The following USP6NL variants were observed in gnomAD, a reference collection of about 807,000 sequenced individuals.
The protein encoded by USP6NL is USP6 N-terminal-like protein.
Under a neutral mutation model 61.9 loss-of-function variants are expected in USP6NL, and 26 were observed. The ratio of observed to expected loss-of-function variants is 0.42; its 90% CI spans 0.31 to 0.58. USP6NL has a LOEUF of 0.58. USP6NL is among the 20% of genes least tolerant of loss of function. The pLI, the probability that USP6NL is intolerant of heterozygous loss-of-function variation, is 0.16. For synonymous variants in USP6NL, 432 were observed against 390.1 expected, an observed-to-expected ratio of 1.11 and a Z score of -1.27; for missense variants, 1,114 against 1,034.3, an observed-to-expected ratio of 1.08 and a Z score of -1.06.
intron 1 of USP6NL, among the ~76,000 whole-genome samples, chr10:11,609,459 G>GT (rs1485805201): frequency 8.4e-6 from 1 of 118,640 alleles, no homozygotes; most frequent in Non-Finnish European, 1.9e-5. Context: ...AGTAAGAATG[G>GT]TTAAAAAAAA....
In USP6NL at chr10:11,585,072, A is replaced by C. The variant is rs1171283285; in HGVS notation, c.4+12559T>G. Among the ~76,000 whole-genome samples, 1 of 152,224 alleles carries C rather than the reference A, an allele frequency of 6.6e-6. No individual in the cohort carries two copies. Among genetic ancestry groups the C allele is most frequent in the Non-Finnish European group, 1.5e-5 (1 of 68,034 alleles). ...TAAAATCTGTGATTTTTCCATAATC[A>C]TTTTGGGAGAAAAGACTGTTTTAGA... On this transcript the variant is annotated intron_variant, in intron 2 of 14. Transcript: ENST00000609104. This position sits in a 1 kb window ranked among gnomAD's most constrained non-coding sequence, Gnocchi z 4.5.
chr10:11,491,850 G>A lies in USP6NL; in HGVS notation c.495-970C>T, dbSNP rs1164625246. ...CATCTGAGTGCTTGCTGAGGGCAAA[G>A]GGAATATGGAATGGGCAGTGAAACG... On this transcript the variant is annotated intron_variant, in intron 8 of 14. Coordinates refer to ENST00000609104, the MANE Select transcript of USP6NL (RefSeq NM_014688.5). The surrounding 1 kb of genome is among the most constrained non-coding windows in gnomAD (Gnocchi z 4.7). Among the ~76,000 whole-genome samples, 1 of 152,248 alleles carries A rather than the reference G, an allele frequency of 6.6e-6. No individual in the cohort carries two copies. Among genetic ancestry groups the A allele is most frequent in the Non-Finnish European group, 1.5e-5 (1 of 68,040 alleles).
chr10:11,473,022 T>C (rs1357990447), intron 14 of USP6NL, among the ~76,000 whole-genome samples: 1 of 152,196 alleles, frequency 6.6e-6, no homozygotes, highest in Non-Finnish European at 1.5e-5. Context: ...TTTTACATTA[T>C]ATGAATAAAT....
chr10:11,509,702 A>G, intron 5 of USP6NL, 27 bp from the exon 6 acceptor site: 1 of 1,521,948 alleles, frequency 6.6e-7, no homozygotes, highest in Non-Finnish European at 8.9e-7. Flanking sequence ...ATTCATTGTT[A>G]TTGTTGTTCG....
chr10:11,521,919 C>G lies in USP6NL; in HGVS notation c.156-3345G>C, dbSNP rs191130896. ...TATCATTATCCAAATACCAAACATT[C>G]TTTGTTAAGTAGACTAGCAGTGACT... On this transcript the variant is annotated intron_variant, in intron 4 of 14. Transcript: ENST00000609104. Among the ~76,000 whole-genome samples, 5 of 152,314 alleles carry G rather than the reference C, an allele frequency of 3.3e-5. No homozygotes were observed. In the East Asian group the frequency reaches 9.6e-4, roughly 29 times the overall value.
chr10:11,569,417 G>A (rs1182487367), intron 2 of USP6NL, among the ~76,000 whole-genome samples: 1 of 152,186 alleles, frequency 6.6e-6, no homozygotes, highest in Non-Finnish European at 1.5e-5. Flanking sequence ...CAAATGTATT[G>A]CAATTAACAT....
Position 11,476,646 on chromosome 10 carries a change from C to T in USP6NL, c.1078+5124G>A, listed in dbSNP as rs1832977522. Among the ~76,000 whole-genome samples the T allele has an allele frequency of 1.3e-5, 2 of 152,014 alleles. No individual in the cohort carries two copies. Among genetic ancestry groups the T allele is most frequent in the Non-Finnish European group, 1.5e-5 (1 of 67,996 alleles). Reference sequence around the variant, plus strand: ...GTTTTCATAAGTAAAATAAAAGATGCCAAACCCACACACAAAAACCCCCAC... The same window carrying T: ...GTTTTCATAAGTAAAATAAAAGATGTCAAACCCACACACAAAAACCCCCAC... On this transcript the variant is annotated intron_variant, in intron 14 of 14. Transcript: ENST00000609104. The surrounding 1 kb of genome is among the most constrained non-coding windows in gnomAD (Gnocchi z 4.3).
At chr10:11,488,228 A>G (rs59197323) in intron 10 of USP6NL, among the ~76,000 whole-genome samples, 16,466 of 152,130 alleles carry the variant, frequency 0.11, 1,387 homozygotes, top group East Asian at 0.43. Context: ...CCTACTCAAC[A>G]TAAGGAGACC....
chr10:11,577,710 A>C (rs1230659099), intron 2 of USP6NL, among the ~76,000 whole-genome samples: 1 of 151,632 alleles, frequency 6.6e-6, no homozygotes, highest in Non-Finnish European at 1.5e-5. Flanking sequence ...TTGGTTGGCC[A>C]AGCTGGTCTC....
rs1833203563 is a variant in USP6NL at position 11,481,636 on chromosome 10, G to A, written c.1078+134C>T. ...GGAAAAAGCCAAAGCAGCTGAGCTG[G>A]TAAGGCATTCATCCACATTATGTCA... On this transcript the variant is annotated intron_variant, in intron 14 of 14. Coordinates refer to ENST00000609104, the MANE Select transcript of USP6NL (RefSeq NM_014688.5). This position sits in a 1 kb window ranked among gnomAD's most constrained non-coding sequence, Gnocchi z 4.4. 2.2e-6 allele frequency: 2 copies of A among 918,886 alleles called. No homozygotes were observed. Among genetic ancestry groups the A allele is most frequent in the Admixed American group, 7.7e-5 (2 of 26,136 alleles). The allele number at this position is 918,886 out of a possible 1,614,324, so 56.9% of individuals were successfully genotyped here.
At position 11,598,572 on chromosome 10, in the gene USP6NL, T is replaced by C. The variant is rs545384617; in HGVS notation, c.-83-855A>G. ...CACAAATGCCTACCTAAATCTATCA[T>C]ATAAAATTCCACAGATAAGATCAGA... On this transcript the variant is annotated intron_variant, in intron 1 of 14. Coordinates refer to ENST00000609104, the MANE Select transcript of USP6NL (RefSeq NM_014688.5). This position sits in a 1 kb window ranked among gnomAD's most constrained non-coding sequence, Gnocchi z 4.7. 1.3e-5 allele frequency among the ~76,000 whole-genome samples: 2 copies of C among 152,302 alleles called. No individual in the cohort carries two copies. Among genetic ancestry groups the C allele is most frequent in the African/African-American group, 4.8e-5 (2 of 41,576 alleles).
At chr10:11,576,924 T>A (rs377152884) in intron 2 of USP6NL, among the ~76,000 whole-genome samples, 7 of 152,254 alleles carry the variant, frequency 4.6e-5, no homozygotes, top group East Asian at 3.8e-4. Flanking sequence ...TGAATTTCAT[T>A]GGTCTATATG....
chr10:11,531,506 T>C (rs1835656296), intron 2 of USP6NL, among the ~76,000 whole-genome samples: 1 of 151,716 alleles, frequency 6.6e-6, no homozygotes, highest in African/African-American at 2.4e-5. Flanking sequence ...TTAGTAGAGA[T>C]GAGGTTTCAC....
At chr10:11,503,476 G>A (rs1834303048) in intron 6 of USP6NL, among the ~76,000 whole-genome samples, 1 of 152,100 alleles carries the variant, frequency 6.6e-6, no homozygotes, top group South Asian at 2.1e-4. Context: ...AAATCTGGGG[G>A]TGGAAATAAA....
At chr10:11,547,629 TC>T in intron 2 of USP6NL, among the ~76,000 whole-genome samples, 1 of 149,878 alleles carries the variant, frequency 6.7e-6, no homozygotes, top group East Asian at 2.0e-4. Flanking sequence ...AAGCTCCGCC[TC>T]CCGGGGTTCA....
intron 2 of USP6NL, among the ~76,000 whole-genome samples, chr10:11,577,061 T>C (rs1052696490): frequency 1.7e-5 from 2 of 118,782 alleles, no homozygotes; most frequent in Admixed American, 8.3e-5. Context: ...TTTAGAATTC[T>C]TTTTTTTTTT....
intron 1 of USP6NL, among the ~76,000 whole-genome samples, chr10:11,609,789 TC>T (rs1838824967): frequency 6.6e-6 from 1 of 152,190 alleles, no homozygotes; most frequent in Non-Finnish European, 1.5e-5. Flanking sequence ...TTCTCTTGGT[TC>T]CCTATAACGC....
chr10:11,470,380 T>C lies in USP6NL; in HGVS notation c.1079-6531A>G, dbSNP rs924489421. Among the ~76,000 whole-genome samples, 1 of 152,206 alleles carries C rather than the reference T, an allele frequency of 6.6e-6. No individual in the cohort carries two copies. The highest frequency in any genetic ancestry group is 1.5e-5 in the Non-Finnish European group (1 of 68,004). ...CGCCATGCCAGGATCTGGCCTCTAC[T>C]ATGATGAAGAGGAAAATCTCCTTGA... On this transcript the variant is annotated intron_variant, in intron 14 of 14. Coordinates refer to ENST00000609104, the MANE Select transcript of USP6NL (RefSeq NM_014688.5). This position sits in a 1 kb window ranked among gnomAD's most constrained non-coding sequence, Gnocchi z 5.4.
At chr10:11,543,963 T>A (rs1836172275) in intron 2 of USP6NL, among the ~76,000 whole-genome samples, 1 of 151,632 alleles carries the variant, frequency 6.6e-6, no homozygotes, top group African/African-American at 2.4e-5. Context: ...TGGTGCTTGC[T>A]ACCACGCCCG....
Sources: allele counts gnomAD v4.1 joint callset (sites outside exome capture counted in the v4.1 genomes callset), GRCh38; gene constraint gnomAD v4.1.1; non-coding constraint Gnocchi (gnomAD v3.1); transcripts MANE v1.5; gene names NCBI Gene and HGNC (gene_info 2026-07-23, HGNC 2026-07-21).